The following IQCE variants were observed in gnomAD, a reference collection of about 807,000 sequenced individuals.
The protein encoded by IQCE is IQ domain-containing protein E.
IQCE carries 115 observed loss-of-function variants against 96.0 expected under a neutral mutation model. The observed-to-expected ratio is 1.20, with a 90% CI of 1.03 to 1.40. The LOEUF (loss-of-function observed/expected upper bound fraction) is 1.40, where lower values mean the gene tolerates loss of function less well. IQCE is among the 40% of genes most tolerant of loss of function. IQCE has a pLI of 0.00. For missense variants in IQCE, 1,041 were observed against 909.1 expected, an observed-to-expected ratio of 1.15 and a Z score of -1.87; for synonymous variants, 412 against 371.2, an observed-to-expected ratio of 1.11 and a Z score of -1.26.
At position 2,573,521 on chromosome 7, in the gene IQCE, A is replaced by G. The variant is rs773159737; in HGVS notation, c.465+33A>G. ...TTCGGTTTGTTCTCTATTGATTTGA[A>G]ACGGTGAAAGCTTCCTATAACAATG... On this transcript the variant is annotated intron_variant, in intron 6 of 21. Transcript: ENST00000402050. 1.5e-5 allele frequency: 18 copies of G among 1,167,948 alleles called. No individual in the cohort carries two copies. In the South Asian group the frequency reaches 1.9e-4, roughly 12 times the overall value. The allele number at this position is 1,167,948 out of a possible 1,614,324, so 72.3% of individuals were successfully genotyped here.
Position 2,593,135 on chromosome 7 carries a change from C to A in IQCE, c.1349+9C>A, listed in dbSNP as rs777335899. 1.2e-5 allele frequency: 19 copies of A among 1,607,248 alleles called. No individual in the cohort carries two copies. The highest frequency in any genetic ancestry group is 1.6e-5 in the Non-Finnish European group (19 of 1,175,316). On this transcript the variant is annotated intron_variant, in intron 15 of 21. Transcript: ENST00000402050. ...CGAGAGGAGGTTTTGAGGTATGTGA[C>A]CCGGGTCAGGGCTGGAGAGGACCCA...
chr7:2,597,291 C>T (rs1359150600), intron 16 of IQCE, among the ~76,000 whole-genome samples: 4 of 152,238 alleles, frequency 2.6e-5, no homozygotes, highest in East Asian at 1.9e-4. Flanking sequence ...ATACAGGAGG[C>T]GATTCTGAGT....
chr7:2,593,075 A>C lies in IQCE; in HGVS notation c.1298A>C (p.Glu433Ala), dbSNP rs1390775221. ...AAGGCCGACCTGGAGAAGGAGCTGG[A>C]GTGCGCGAGGGAGGGCGAGGAGGAG... ...QAKADLEKEL[E>A]CAREGEEERR... The change falls in exon 15 of 22, where the codon GAG becomes GCG. Residue 433 changes from glutamate (E) to alanine (A), a missense_variant. By Grantham distance (107) the Glu-to-Ala change is moderately radical. Coordinates refer to ENST00000402050, the MANE Select transcript of IQCE (RefSeq NM_152558.5). The C allele has an allele frequency of 1.2e-6, 2 of 1,612,572 alleles. No homozygotes were observed. The highest frequency in any genetic ancestry group is 4.5e-5 in the East Asian group (2 of 44,874).
chr7:2,606,547 C>T (rs981716513), intron 20 of IQCE, among the ~76,000 whole-genome samples: 16 of 152,260 alleles, frequency 1.1e-4, no homozygotes, highest in Admixed American at 3.3e-4. Flanking sequence ...CCGTCACCCC[C>T]GTCTGCTTCA....
intron 19 of IQCE, among the ~76,000 whole-genome samples, chr7:2,605,552 G>A (rs903674401): frequency 7.9e-5 from 12 of 152,106 alleles, no homozygotes; most frequent in African/African-American, 1.9e-4. Flanking sequence ...CCCGGAAGGC[G>A]GAGCTTACAG....
intron 21 of IQCE, among the ~76,000 whole-genome samples, chr7:2,608,294 G>A (rs1197455002): frequency 6.6e-6 from 1 of 152,210 alleles, no homozygotes; most frequent in African/African-American, 2.4e-5. Context: ...GGAAGAGGCC[G>A]TTTTGAGGCC....
In IQCE at chr7:2,613,609, C is replaced by G. The variant is rs908721438; in HGVS notation, c.*3447C>G. 6.6e-6 allele frequency: 1 copy of G among 152,314 alleles called. No homozygotes were observed. Among genetic ancestry groups the G allele is most frequent in the Non-Finnish European group, 1.5e-5 (1 of 68,112 alleles). 9.4% of individuals were successfully genotyped at this position (152,314 alleles called of 1,614,324 possible). On this transcript the variant is annotated 3_prime_UTR_variant, in exon 22 of 22. Transcript: ENST00000402050. ...GTTCACATCACCCACCAGACAGCTG[C>G]GGAGAGAGTGCAGGGAGGGGCTGGG...
chr7:2,595,174 T>G (rs1024870195), intron 16 of IQCE, among the ~76,000 whole-genome samples, 198 bp downstream of exon 16: 1 of 152,238 alleles, frequency 6.6e-6, no homozygotes, highest in East Asian at 1.9e-4. Flanking sequence ...TGTCAGCAAA[T>G]TGACTTCTCG....
rs1256361565 is a variant in IQCE at position 2,610,376 on chromosome 7, C to A, written c.*214C>A. On this transcript the variant is annotated 3_prime_UTR_variant, in exon 22 of 22. Transcript: ENST00000402050. Reference sequence around the variant, plus strand: ...GAGGGCCAGCGGCTCGCATCCCCCTCATCTCCAGCTGCAGCTCGGATGGTG... The same window carrying A: ...GAGGGCCAGCGGCTCGCATCCCCCTAATCTCCAGCTGCAGCTCGGATGGTG... 2.0e-6 allele frequency: 1 copy of A among 508,674 alleles called. No individual in the cohort carries two copies. Among genetic ancestry groups the A allele is most frequent in the Non-Finnish European group, 3.6e-6 (1 of 281,628 alleles). The allele number at this position is 508,674 out of a possible 1,614,324, so 31.5% of individuals were successfully genotyped here.
At chr7:2,587,768 C>T (rs2128456205) in intron 12 of IQCE, 54 bp from the exon 13 acceptor site, 2 of 1,565,308 alleles carry the variant, frequency 1.3e-6, no homozygotes, top group Middle Eastern at 1.7e-4. Context: ...GAAGGGTGGC[C>T]CTGCTGGCAG....
intron 16 of IQCE, chr7:2,597,261 C>A (rs13225918): frequency 4.0e-5 from 16 of 396,990 alleles, no homozygotes; most frequent in African/African-American, 2.9e-4. Flanking sequence ...GAAACACTGC[C>A]TTCTGGAGTG....
intron 17 of IQCE, among the ~76,000 whole-genome samples, chr7:2,600,800 T>C (rs1367665671): frequency 1.3e-5 from 2 of 152,176 alleles, no homozygotes; most frequent in African/African-American, 4.8e-5. Flanking sequence ...TGCCATTAAG[T>C]GCACATTGAT....
chr7:2,591,924 G>A, intron 14 of IQCE, among the ~76,000 whole-genome samples: 2 of 143,948 alleles, frequency 1.4e-5, no homozygotes. Context: ...ACCCGGGCCT[G>A]CCTCGGCCTC....
chr7:2,611,296 C>T lies in IQCE; in HGVS notation c.*1134C>T, dbSNP rs1459326403. The T allele has an allele frequency of 2.0e-5, 3 of 152,306 alleles. No homozygotes were observed. Among genetic ancestry groups the T allele is most frequent in the Non-Finnish European group, 2.9e-5 (2 of 68,092 alleles). 9.4% of individuals were successfully genotyped at this position (152,306 alleles called of 1,614,324 possible). A position where few individuals can be genotyped will look rare whatever the true frequency, so the allele number is the denominator to read the frequency against. On this transcript the variant is annotated 3_prime_UTR_variant, in exon 22 of 22. Coordinates refer to ENST00000402050, the MANE Select transcript of IQCE (RefSeq NM_152558.5). ...GGAAGAGCCTTAGACCTGGGCGGGCCTTCAGGGGCATCTAGACCCCTGCAC... is the reference window on the plus strand; with the variant it reads ...GGAAGAGCCTTAGACCTGGGCGGGCTTTCAGGGGCATCTAGACCCCTGCAC...
At chr7:2,589,354 C>T (rs568855230) in intron 13 of IQCE, among the ~76,000 whole-genome samples, 8 of 151,652 alleles carry the variant, frequency 5.3e-5, no homozygotes, top group South Asian at 2.1e-4. Flanking sequence ...AGCCAGACCC[C>T]GTCTCAAAAA....
chr7:2,588,002 A>G lies in IQCE; in HGVS notation c.1044+125A>G, dbSNP rs532588298. 2.9e-5 allele frequency: 26 copies of G among 893,616 alleles called. No individual in the cohort carries two copies. The South Asian group carries it at 3.5e-4, about 12-fold the overall frequency. 55.4% of individuals were successfully genotyped at this position (893,616 alleles called of 1,614,324 possible). Reference sequence around the variant, plus strand: ...GGCTGTCTGCCAGGCAGCGCCACACACAGACCGCAAGGAGACTTCTTCCAG... The same window carrying G: ...GGCTGTCTGCCAGGCAGCGCCACACGCAGACCGCAAGGAGACTTCTTCCAG... On this transcript the variant is annotated intron_variant, in intron 13 of 21. Coordinates refer to ENST00000402050, the MANE Select transcript of IQCE (RefSeq NM_152558.5).
At chr7:2,595,041 A>AC in intron 16 of IQCE, 65 bp downstream of exon 16, 2 of 1,136,318 alleles carry the variant, frequency 1.8e-6, no homozygotes, top group Admixed American at 3.4e-5. Flanking sequence ...GACGGTTCTG[A>AC]CCGTTTCCCT....
rs774172283 is a variant in IQCE, at chr7:2,578,355, C to T, written c.579C>T (p.Arg193=). 8.1e-6 allele frequency: 13 copies of T among 1,613,266 alleles called. No individual in the cohort carries two copies. The highest frequency in any genetic ancestry group is 3.3e-4 in the Middle Eastern group (2 of 6,084). The stretch of plus-strand genomic sequence containing the variant: ...TAGAGCAGCTCCTGGATCCCAGCCG[C>T]GTAAGCTCCTGGCGCTTCACGGACG... ...RQIEQLLDPS[R]GTDFVRTLAE... Residue 193 remains arginine (R), a splice_region_variant and synonymous_variant, in exon 7 of 22, where the codon CGC becomes CGT. Coordinates refer to ENST00000402050, the MANE Select transcript of IQCE (RefSeq NM_152558.5).
intron 6 of IQCE, among the ~76,000 whole-genome samples, chr7:2,577,439 G>A (rs1286012742): frequency 8.6e-6 from 1 of 115,866 alleles, no homozygotes; most frequent in African/African-American, 3.3e-5. Flanking sequence ...TGCACGCATT[G>A]GCATGTACTT....
Sources: allele counts gnomAD v4.1 joint callset (sites outside exome capture counted in the v4.1 genomes callset), GRCh38; gene constraint gnomAD v4.1.1; transcripts MANE v1.5; gene names NCBI Gene and HGNC (gene_info 2026-07-23, HGNC 2026-07-21).